The following LRRC4C variants were observed in gnomAD, a reference collection of about 807,000 sequenced individuals.
LRRC4C encodes the protein leucine-rich repeat-containing protein 4C.
Under a neutral mutation model 33.6 loss-of-function variants are expected in LRRC4C, and 5 were observed. The observed-to-expected ratio is 0.15, with a 90% CI of 0.08 to 0.31. The LOEUF is 0.31. LRRC4C is among the 10% of genes least tolerant of loss of function. LRRC4C has a pLI of 1.00. For missense variants in LRRC4C, 560 were observed against 796.7 expected (o/e 0.70, Z 3.58); for synonymous variants, 329 against 302.0 (o/e 1.09, Z -0.93).
At chr11:40,154,808 G>A (rs1176815830) in intron 5 of LRRC4C, among the ~76,000 whole-genome samples, 1 of 152,130 alleles carries the variant, frequency 6.6e-6, no homozygotes, top group African/African-American at 2.4e-5. Flanking sequence ...AAGACAGAAA[G>A]TCAACAAACA....
At chr11:40,619,240 C>G (rs939344300) in intron 3 of LRRC4C, among the ~76,000 whole-genome samples, 1 of 151,486 alleles carries the variant, frequency 6.6e-6, no homozygotes, top group Non-Finnish European at 1.5e-5. Context: ...TGATTATAGT[C>G]AATAATAACT....
At chr11:40,863,178 G>T (rs1310383459) in intron 2 of LRRC4C, among the ~76,000 whole-genome samples, 1 of 152,168 alleles carries the variant, frequency 6.6e-6, no homozygotes, top group Non-Finnish European at 1.5e-5. Context: ...TAACCTTTTA[G>T]CCTAAGGCTC....
intron 1 of LRRC4C, among the ~76,000 whole-genome samples, chr11:41,272,610 T>C (rs1283503867): frequency 6.6e-6 from 1 of 152,246 alleles, no homozygotes; most frequent in East Asian, 1.9e-4. Context: ...TAAACACATA[T>C]ATTATTCATA....
rs193133892 is a variant in LRRC4C at position 40,200,913 on chromosome 11, C to T, written c.-96+40606G>A. Among the ~76,000 whole-genome samples, 42 of 152,224 alleles carry T rather than the reference C, an allele frequency of 2.8e-4. No individual in the cohort carries two copies. In the East Asian group the frequency reaches 4.1e-3, roughly 15 times the overall value. On this transcript the variant is annotated intron_variant, in intron 5 of 6. Coordinates refer to ENST00000528697, the MANE Select transcript of LRRC4C (RefSeq NM_001258419.2). ...TGAATTGCTAATCTGAACTCCTAAGCGTCACATCTTTTTCCTTGGCTCTTC... is the reference window on the plus strand; with the variant it reads ...TGAATTGCTAATCTGAACTCCTAAGTGTCACATCTTTTTCCTTGGCTCTTC...
At chr11:40,199,007 G>A (rs1862491552) in intron 5 of LRRC4C, among the ~76,000 whole-genome samples, 1 of 152,212 alleles carries the variant, frequency 6.6e-6, no homozygotes, top group Non-Finnish European at 1.5e-5. Context: ...CGCCTGACAT[G>A]TTTAAAGAAG....
intron 3 of LRRC4C, among the ~76,000 whole-genome samples, chr11:40,606,551 T>A (rs1409645159): frequency 1.3e-5 from 2 of 150,334 alleles, no homozygotes; most frequent in Non-Finnish European, 3.0e-5. Context: ...GAAAAACAAT[T>A]CCCAGAAAAT....
intron 3 of LRRC4C, among the ~76,000 whole-genome samples, chr11:40,581,890 G>A (rs988428202): frequency 3.9e-5 from 6 of 152,122 alleles, no homozygotes; most frequent in African/African-American, 9.7e-5. Context: ...GTGACAGAGC[G>A]AGACTCTGTC....
At chr11:40,174,585 A>G (rs1590617575) in intron 5 of LRRC4C, among the ~76,000 whole-genome samples, 1 of 152,118 alleles carries the variant, frequency 6.6e-6, no homozygotes, top group African/African-American at 2.4e-5. Flanking sequence ...TCTGCATCGA[A>G]CCATATTTCT....
chr11:40,358,527 T>C (rs2137144816), intron 3 of LRRC4C, among the ~76,000 whole-genome samples: 1 of 152,230 alleles, frequency 6.6e-6, no homozygotes, highest in Admixed American at 6.5e-5. Flanking sequence ...GTGATCCACC[T>C]GCCTCAGCTT....
intron 3 of LRRC4C, among the ~76,000 whole-genome samples, chr11:40,444,757 T>C (rs1951555186): frequency 1.3e-5 from 2 of 152,338 alleles, no homozygotes; most frequent in South Asian, 4.1e-4. Context: ...TTCTTTCCTA[T>C]GTGAATTTTG....
intron 2 of LRRC4C, among the ~76,000 whole-genome samples, chr11:40,932,161 T>A (rs1455440744): frequency 6.6e-6 from 1 of 152,152 alleles, no homozygotes; most frequent in East Asian, 1.9e-4. Flanking sequence ...TTACTGTTGG[T>A]TATCTTGGTG....
intron 1 of LRRC4C, among the ~76,000 whole-genome samples, chr11:41,439,517 C>T (rs1040662682): frequency 1.3e-5 from 2 of 152,196 alleles, no homozygotes; most frequent in African/African-American, 4.8e-5. Context: ...CCTTTCTTTC[C>T]ACATCCTTGC....
At chr11:41,370,171 C>G (rs895361635) in intron 1 of LRRC4C, among the ~76,000 whole-genome samples, 1 of 152,036 alleles carries the variant, frequency 6.6e-6, no homozygotes, top group Non-Finnish European at 1.5e-5. Context: ...GATAACTACA[C>G]ATTATTTCAT....
intron 1 of LRRC4C, among the ~76,000 whole-genome samples, chr11:41,438,718 C>T (rs957990421): frequency 2.0e-5 from 3 of 152,140 alleles, no homozygotes; most frequent in Admixed American, 2.0e-4. Flanking sequence ...CCAATCTTAT[C>T]ACCAACCTTT....
chr11:40,564,722 A>G (rs1957685149), intron 3 of LRRC4C, among the ~76,000 whole-genome samples: 1 of 152,158 alleles, frequency 6.6e-6, no homozygotes, highest in Admixed American at 6.5e-5. Context: ...AGTGGTCCCT[A>G]AAGAGGGAAT....
At chr11:40,446,907 T>C (rs949601824) in intron 3 of LRRC4C, 20 of 152,204 alleles carry the variant, frequency 1.3e-4, no homozygotes, top group African/African-American at 4.8e-4. Flanking sequence ...AATGAGATTA[T>C]GGGGATTACA....
At chr11:40,750,903 T>G (rs1208439185) in intron 2 of LRRC4C, among the ~76,000 whole-genome samples, 1 of 151,198 alleles carries the variant, frequency 6.6e-6, no homozygotes, top group African/African-American at 2.4e-5. Flanking sequence ...TTACAGCACA[T>G]CGAAAAGATG....
intron 1 of LRRC4C, among the ~76,000 whole-genome samples, chr11:41,026,728 A>T (rs1856393443): frequency 6.6e-6 from 1 of 151,604 alleles, no homozygotes; most frequent in Non-Finnish European, 1.5e-5. Context: ...ACATTGAGAA[A>T]AGACCCTCCA....
At chr11:40,336,608 C>A (rs1946614887) in intron 3 of LRRC4C, among the ~76,000 whole-genome samples, 1 of 152,094 alleles carries the variant, frequency 6.6e-6, no homozygotes, top group Non-Finnish European at 1.5e-5. Context: ...AGCATCACTT[C>A]AGTTAATGTA....
Sources: gnomAD v4.1 joint callset for allele counts (sites outside exome capture counted in the v4.1 genomes callset) on GRCh38, gnomAD v4.1.1 for gene constraint, MANE v1.5 for transcripts, NCBI Gene and HGNC (gene_info 2026-07-23, HGNC 2026-07-21) for gene names.